The following MTUS2 variants were observed in gnomAD, a reference collection of about 807,000 sequenced individuals.
MTUS2 encodes the protein microtubule associated scaffold protein 2, also known as microtubule-associated tumor suppressor candidate 2.
A neutral mutation model predicts 114.1 loss-of-function variants in MTUS2; 40 were observed. The ratio of observed to expected loss-of-function variants is 0.35; its 90% CI spans 0.27 to 0.46. The LOEUF (loss-of-function observed/expected upper bound fraction) is 0.46, where lower values mean the gene tolerates loss of function less well. Among genes scored for constraint, MTUS2 ranks in the 20% least tolerant of loss-of-function variants. MTUS2 has a pLI of 1.00. For missense variants in MTUS2, 1,679 were observed against 1,705.4 expected, an observed-to-expected ratio of 0.98 and a Z score of 0.27; for synonymous variants, 688 against 672.0, an observed-to-expected ratio of 1.02 and a Z score of -0.37.
intron 2 of MTUS2, among the ~76,000 whole-genome samples, chr13:29,015,619 A>T (rs1886032656): frequency 6.6e-6 from 1 of 152,224 alleles, no homozygotes; most frequent in Non-Finnish European, 1.5e-5. Flanking sequence ...AAAAGGTGTC[A>T]TAAAGTTGTG....
intron 11 of MTUS2, among the ~76,000 whole-genome samples, chr13:29,490,813 A>T (rs138576689): frequency 3.8e-4 from 58 of 152,384 alleles, no homozygotes; most frequent in African/African-American, 1.4e-3. Context: ...TCAGCCCCAG[A>T]TGGCTGCTTC....
At chr13:29,474,220 G>A (rs1291840991) in intron 9 of MTUS2, among the ~76,000 whole-genome samples, 4 of 152,162 alleles carry the variant, frequency 2.6e-5, no homozygotes, top group Non-Finnish European at 5.9e-5. Context: ...TACCCAGTTT[G>A]TGATTTATTT....
At chr13:29,400,788 A>C (rs1325617509) in intron 8 of MTUS2, among the ~76,000 whole-genome samples, 2 of 152,290 alleles carry the variant, frequency 1.3e-5, no homozygotes, top group East Asian at 3.9e-4. Flanking sequence ...TTTTCCCCTA[A>C]TCATTAGAAC....
intron 5 of MTUS2, among the ~76,000 whole-genome samples, chr13:29,180,595 C>T (rs955441134): frequency 3.3e-5 from 5 of 152,086 alleles, no homozygotes; most frequent in Non-Finnish European, 5.9e-5. Context: ...CATGTGACAC[C>T]GTGCTTCATT....
chr13:29,501,008 TA>T, intron 14 of MTUS2, 88 bp from the exon 15 acceptor site: 1 of 977,132 alleles, frequency 1.0e-6, no homozygotes, highest in Non-Finnish European at 1.6e-6. Context: ...CTGTTCTTGA[TA>T]ATCCTCCAAT....
intron 8 of MTUS2, among the ~76,000 whole-genome samples, chr13:29,407,822 A>G (rs1300050556): frequency 6.6e-6 from 1 of 152,086 alleles, no homozygotes; most frequent in South Asian, 2.1e-4. Flanking sequence ...GTATGAATGT[A>G]CCGTTTACTC....
At chr13:29,215,473 T>TG (rs1895638951) in intron 5 of MTUS2, among the ~76,000 whole-genome samples, 7 of 63,786 alleles carry the variant, frequency 1.1e-4, no homozygotes, top group Admixed American at 1.1e-3. Flanking sequence ...ATTTTTTTGC[T>TG]GTTTTTTTTT....
chr13:29,265,631 G>A (rs1231558464), intron 5 of MTUS2, among the ~76,000 whole-genome samples: 3 of 152,190 alleles, frequency 2.0e-5, no homozygotes, highest in East Asian at 3.9e-4. Context: ...GCATGGCACC[G>A]ATATCAGCTT....
intron 6 of MTUS2, among the ~76,000 whole-genome samples, chr13:29,301,001 A>G (rs1428857655): frequency 6.6e-6 from 1 of 152,250 alleles, no homozygotes; most frequent in Non-Finnish European, 1.5e-5. Flanking sequence ...GAAGAGTGAC[A>G]TATTTATTTG....
intron 9 of MTUS2, among the ~76,000 whole-genome samples, chr13:29,463,760 G>A (rs112648958): frequency 0.022 from 3,369 of 152,242 alleles, 111 homozygotes; most frequent in African/African-American, 0.072. Flanking sequence ...GCACTTCGGG[G>A]GGCCGAGGCG....
chr13:29,408,451 G>T (rs1041662733), intron 8 of MTUS2, among the ~76,000 whole-genome samples: 1 of 152,100 alleles, frequency 6.6e-6, no homozygotes, highest in Non-Finnish European at 1.5e-5. Context: ...GAGTAGCTGG[G>T]ACTATGGGCA....
intron 8 of MTUS2, among the ~76,000 whole-genome samples, chr13:29,416,812 T>C (rs1290635096): frequency 6.8e-6 from 1 of 147,376 alleles, no homozygotes; most frequent in Non-Finnish European, 1.5e-5. Context: ...TTAAGTGACC[T>C]TTTTGCCTAG....
chr13:28,870,982 A>C (rs1322774348), intron 2 of MTUS2, among the ~76,000 whole-genome samples: 1 of 152,138 alleles, frequency 6.6e-6, no homozygotes, highest in Admixed American at 6.6e-5. Context: ...TCAAATATCT[A>C]CTGAGCACTG....
At chr13:29,325,977 A>C (rs1004149089) in intron 7 of MTUS2, among the ~76,000 whole-genome samples, 2 of 152,208 alleles carry the variant, frequency 1.3e-5, no homozygotes, top group Non-Finnish European at 2.9e-5. Flanking sequence ...GAACTTATTA[A>C]AATTGCTGAT....
At chr13:29,362,137 A>G (rs1469550057) in intron 8 of MTUS2, among the ~76,000 whole-genome samples, 2 of 152,218 alleles carry the variant, frequency 1.3e-5, no homozygotes, top group Non-Finnish European at 2.9e-5. Context: ...CATTGTGAGA[A>G]TGTAGTGAAT....
At chr13:29,350,099 T>G (rs1244631049) in intron 7 of MTUS2, among the ~76,000 whole-genome samples, 3 of 152,112 alleles carry the variant, frequency 2.0e-5, no homozygotes, top group Admixed American at 6.5e-5. Flanking sequence ...TAGTTTCTCT[T>G]GCTATATCTT....
chr13:29,364,127 A>C (rs78706437), intron 8 of MTUS2, among the ~76,000 whole-genome samples: 4,154 of 152,312 alleles, frequency 0.027, 184 homozygotes, highest in African/African-American at 0.094. Context: ...GGAAACGCAC[A>C]ATTGCAAAAC....
intron 4 of MTUS2, among the ~76,000 whole-genome samples, chr13:29,062,745 C>T (rs935592791): frequency 7.2e-5 from 11 of 151,958 alleles, no homozygotes; most frequent in East Asian, 3.9e-4. Flanking sequence ...GGTCTTAAAG[C>T]GGCCTAAAAG....
intron 2 of MTUS2, among the ~76,000 whole-genome samples, chr13:28,992,915 C>G (rs1185146344): frequency 6.6e-6 from 1 of 152,326 alleles, no homozygotes; most frequent in East Asian, 1.9e-4. Context: ...TGGCAATGAC[C>G]ATTTTACTTT....
Sources: allele counts gnomAD v4.1 joint callset (sites outside exome capture counted in the v4.1 genomes callset), GRCh38; gene constraint gnomAD v4.1.1; transcripts MANE v1.5; gene names NCBI Gene and HGNC (gene_info 2026-07-23, HGNC 2026-07-21).